THSD7A: variants seen among roughly 807,000 people sequenced by gnomAD.
THSD7A encodes thrombospondin type 1 domain containing 7A.
THSD7A carries 96 observed loss-of-function variants against 231.3 expected under a neutral mutation model. The ratio of observed to expected loss-of-function variants is 0.41; its 90% CI spans 0.35 to 0.49. The LOEUF is 0.49. THSD7A is among the 20% of genes least tolerant of loss of function. The pLI, the probability that THSD7A is intolerant of heterozygous loss-of-function variation, is 0.05. For missense variants in THSD7A, 2,290 were observed against 2,070.2 expected (o/e 1.11, Z -2.06); for synonymous variants, 940 against 743.3 (o/e 1.26, Z -4.30).
chr7:11,792,031 C>T (rs182688300), intron 1 of THSD7A, among the ~76,000 whole-genome samples: 3 of 152,076 alleles, frequency 2.0e-5, no homozygotes, highest in Admixed American at 2.0e-4. Context: ...TGATTTTCTA[C>T]TAGTTATTCT....
chr7:11,636,142 G>A lies in THSD7A; in HGVS notation c.1010C>T (p.Ala337Val). Residue 337 changes from alanine to valine, a missense_variant, in exon 2 of 28, where the codon GCT becomes GTT. Transcript: ENST00000423059. This position sits in a 1 kb window ranked among gnomAD's most constrained non-coding sequence, Gnocchi z 10.0. ...ATTAAAATGTTACCTTAAATCAGCA[G>A]CTTTCCCCGTCTTGTTAATGCACAT... ...EVMCINKTGK[A>V]ADLSFCQQEK... 6.2e-7 allele frequency: 1 copy of A among 1,610,726 alleles called. No individual in the cohort carries two copies.
chr7:11,572,684 T>C lies in THSD7A; in HGVS notation c.1453+17776A>G, dbSNP rs936113697. On this transcript the variant is annotated intron_variant, in intron 4 of 27. Transcript: ENST00000423059. ...CACCATGCCCAGCAAATTAATTTTTTTTTTTGGAGGCGGGTCTCATTATTT... is the reference window on the plus strand; with the variant it reads ...CACCATGCCCAGCAAATTAATTTTTCTTTTTGGAGGCGGGTCTCATTATTT... Among the ~76,000 whole-genome samples the C allele has an allele frequency of 1.1e-4, 16 of 152,044 alleles. No individual in the cohort carries two copies. In the South Asian group the frequency reaches 3.3e-3, roughly 32 times the overall value.
chr7:11,626,346 T>C (rs1310941054), intron 2 of THSD7A, among the ~76,000 whole-genome samples: 1 of 152,144 alleles, frequency 6.6e-6, no homozygotes, highest in Non-Finnish European at 1.5e-5. Context: ...GTTTATGACC[T>C]TGATCATTTT....
chr7:11,375,560 G>A lies in THSD7A; in HGVS notation c.*234C>T, dbSNP rs1782235060. The A allele has an allele frequency of 2.8e-6, 1 of 353,338 alleles. No individual in the cohort carries two copies. Among genetic ancestry groups the A allele is most frequent in the East Asian group, 4.2e-5 (1 of 23,822 alleles). The allele number at this position is 353,338 out of a possible 1,614,324, so 21.9% of individuals were successfully genotyped here. ...AAAGATGACATAAAACTTTCAGAAT[G>A]CAGCATGTATTCAGCTAAATCTCCT... is the stretch of plus-strand genomic sequence containing the variant. On this transcript the variant is annotated 3_prime_UTR_variant, in exon 28 of 28. Transcript: ENST00000423059.
rs1209610457 is a variant in THSD7A, at chr7:11,817,831, A to T, written c.190+13926T>A. On this transcript the variant is annotated intron_variant, in intron 1 of 27. Transcript: ENST00000423059. ...TAATAAATAACAAAATTAGGTCAAA[A>T]TTCATGCACTTCTGGCTCAGAAGTC... is the stretch of plus-strand genomic sequence containing the variant. Among the ~76,000 whole-genome samples the T allele has an allele frequency of 2.0e-5, 3 of 152,298 alleles. No homozygotes were observed. The East Asian group carries it at 5.8e-4, about 29-fold the overall frequency.
chr7:11,645,332 T>A (rs1377661497), intron 1 of THSD7A, among the ~76,000 whole-genome samples: 1 of 151,856 alleles, frequency 6.6e-6, no homozygotes, highest in African/African-American at 2.4e-5. Flanking sequence ...GTATTTCCCA[T>A]CAGTGTTTTG....
intron 7 of THSD7A, among the ~76,000 whole-genome samples, chr7:11,477,457 G>T (rs1054897914): frequency 6.6e-6 from 1 of 152,082 alleles, no homozygotes; most frequent in African/African-American, 2.4e-5. Flanking sequence ...GATTAAGGGG[G>T]TGTCTGTCAG....
chr7:11,412,915 A>G (rs1783834039), intron 17 of THSD7A, 115 bp from the exon 18 acceptor site: 1 of 1,166,218 alleles, frequency 8.6e-7, no homozygotes, highest in African/African-American at 1.5e-5. Flanking sequence ...CTAACTCAGA[A>G]AAGTCAGTCA....
intron 1 of THSD7A, among the ~76,000 whole-genome samples, chr7:11,746,766 A>G (rs775384915): frequency 2.0e-5 from 3 of 151,508 alleles, no homozygotes; most frequent in Non-Finnish European, 4.4e-5. Context: ...CTCTTTCCAT[A>G]CTCCCTTATT....
intron 1 of THSD7A, among the ~76,000 whole-genome samples, chr7:11,698,373 G>T (rs534465912): frequency 6.6e-6 from 1 of 150,958 alleles, no homozygotes; most frequent in African/African-American, 2.4e-5. Flanking sequence ...AATACAATAC[G>T]GTATTTCATT....
chr7:11,749,474 A>G (rs1782427978), intron 1 of THSD7A, among the ~76,000 whole-genome samples: 1 of 151,924 alleles, frequency 6.6e-6, no homozygotes, highest in Non-Finnish European at 1.5e-5. Flanking sequence ...AAACAGATAT[A>G]AAAAAGAATA....
At chr7:11,676,540 C>T (rs1783644590) in intron 1 of THSD7A, among the ~76,000 whole-genome samples, 1 of 152,076 alleles carries the variant, frequency 6.6e-6, no homozygotes, top group Non-Finnish European at 1.5e-5. Context: ...AGAGGAATCG[C>T]TAACTGGAAT....
At position 11,474,885 on chromosome 7, in the gene THSD7A, G is replaced by A. The variant is rs1786094035; in HGVS notation, c.2018-317C>T. Among the ~76,000 whole-genome samples, 1 of 152,152 alleles carries A rather than the reference G, an allele frequency of 6.6e-6. No individual in the cohort carries two copies. The highest frequency in any genetic ancestry group is 2.4e-5 in the African/African-American group (1 of 41,442). ...GTATTTAGTATAACTGGGATTCAAG[G>A]AGTACAATTTCACTACTTTTTGGAG... On this transcript the variant is annotated intron_variant, in intron 7 of 27. Coordinates refer to ENST00000423059, the MANE Select transcript of THSD7A (RefSeq NM_015204.3). The surrounding 1 kb of genome is among the most constrained non-coding windows in gnomAD (Gnocchi z 4.1).
intron 22 of THSD7A, among the ~76,000 whole-genome samples, chr7:11,405,603 C>A (rs1432416000): frequency 6.6e-6 from 1 of 152,062 alleles, no homozygotes; most frequent in Non-Finnish European, 1.5e-5. Context: ...TGCATCAAGC[C>A]CAAATTCATA....
intron 1 of THSD7A, among the ~76,000 whole-genome samples, chr7:11,758,038 T>TATATATATATATATATAA (rs1554274392): frequency 6.9e-6 from 1 of 144,646 alleles, no homozygotes; most frequent in East Asian, 2.0e-4. Flanking sequence ...TATATATATA[T>TATATATATATATATATAA]AATGTTTCAC....
intron 2 of THSD7A, among the ~76,000 whole-genome samples, chr7:11,605,158 TA>T (rs1258258522): frequency 6.6e-6 from 1 of 152,112 alleles, no homozygotes; most frequent in Admixed American, 6.6e-5. Flanking sequence ...CTCTCTCCTT[TA>T]TCCCTCCTCT....
intron 1 of THSD7A, among the ~76,000 whole-genome samples, chr7:11,710,244 A>C (rs191662308): frequency 9.5e-5 from 14 of 147,290 alleles, no homozygotes; most frequent in Admixed American, 2.8e-4. Flanking sequence ...CAGTGCATCA[A>C]GGATAAATTA....
chr7:11,541,578 C>G lies in THSD7A; in HGVS notation c.1663G>C (p.Val555Leu), dbSNP rs551848804. ...AGTAAGTGAGGGCAGTTTCCGGTTA[C>G]CCCAGAGCCTCCAGTGGGCTCATTG... ...ITNEPTGGSG[V>L]TGNCPHLLEA... is the part of the protein sequence containing the mutation. Residue 555 changes from valine (V) to leucine (L), a missense_variant, in exon 6 of 28, where the codon GTA (valine) becomes CTA (leucine). Coordinates refer to ENST00000423059, the MANE Select transcript of THSD7A (RefSeq NM_015204.3). 3 of 1,613,936 alleles carry G rather than the reference C, an allele frequency of 1.9e-6. No individual in the cohort carries two copies. The highest frequency in any genetic ancestry group is 2.5e-6 in the Non-Finnish European group (3 of 1,179,870).
intron 1 of THSD7A, among the ~76,000 whole-genome samples, chr7:11,772,059 T>C (rs556233380): frequency 6.6e-6 from 1 of 152,286 alleles, no homozygotes; most frequent in East Asian, 1.9e-4. Flanking sequence ...CAACTAAACC[T>C]CTTTTCTTTA....
Sources: allele counts gnomAD v4.1 joint callset (sites outside exome capture counted in the v4.1 genomes callset), GRCh38; gene constraint gnomAD v4.1.1; non-coding constraint Gnocchi (gnomAD v3.1); transcripts MANE v1.5; gene names NCBI Gene and HGNC (gene_info 2026-07-23, HGNC 2026-07-21).